The following ZNF654 variants were observed in gnomAD, a reference collection of about 807,000 sequenced individuals.
The protein encoded by ZNF654 is melanoma-associated antigen.
A neutral mutation model predicts 95.3 loss-of-function variants in ZNF654; 19 were observed. That is an observed-to-expected ratio of 0.20 (90% CI 0.14 to 0.29). The LOEUF is 0.29. ZNF654 is among the 10% of genes least tolerant of loss of function. The pLI, the probability that ZNF654 is intolerant of heterozygous loss-of-function variation, is 1.00. For synonymous variants in ZNF654, 413 were observed against 457.9 expected (o/e 0.90, Z 1.25); for missense variants, 1,046 against 1,341.0 (o/e 0.78, Z 3.44).
intron 2 of ZNF654, among the ~76,000 whole-genome samples, chr3:88,087,075 C>G (rs1051785249): frequency 9.2e-5 from 14 of 151,376 alleles, no homozygotes; most frequent in African/African-American, 3.4e-4. Flanking sequence ...AGCCACCGTG[C>G]CCAGCCCATT....
intron 2 of ZNF654, among the ~76,000 whole-genome samples, chr3:88,097,869 A>G (rs1704159747): frequency 6.6e-6 from 1 of 152,224 alleles, no homozygotes. Context: ...AAATGCCCAC[A>G]AGAGAAAGCA....
At chr3:88,126,390 G>T in intron 4 of ZNF654, 121 bp downstream of exon 4, 12 of 1,075,238 alleles carry the variant, frequency 1.1e-5, no homozygotes, top group Non-Finnish European at 1.4e-5. Flanking sequence ...TGGGAGTGAT[G>T]TATTTTCACA....
intron 2 of ZNF654, among the ~76,000 whole-genome samples, chr3:88,092,170 G>T (rs1158047487): frequency 1.3e-5 from 2 of 151,990 alleles, no homozygotes; most frequent in Non-Finnish European, 2.9e-5. Context: ...CAACATGTTG[G>T]TCCTACTAAA....
At chr3:88,096,423 G>A (rs140335159) in intron 2 of ZNF654, among the ~76,000 whole-genome samples, 204 of 152,224 alleles carry the variant, frequency 1.3e-3, no homozygotes, top group Non-Finnish European at 1.9e-3. Flanking sequence ...TTGAAGCAGA[G>A]GGGTAAGGGG....
At position 88,130,209 on chromosome 3, in the gene ZNF654, C is replaced by T. The variant is rs138886867; in HGVS notation, c.893+383C>T. Among the ~76,000 whole-genome samples the T allele has an allele frequency of 2.4e-4, 37 of 152,178 alleles. 1 individual carries two copies. In the East Asian group the frequency reaches 7.1e-3, roughly 29 times the overall value. ...AGGTAGCTAAAATAAAAACACTCTT[C>T]AGGGGCTATTAAGAATTTCTGTTTC... is the stretch of plus-strand genomic sequence containing the variant. On this transcript the variant is annotated intron_variant, in intron 6 of 8. Coordinates refer to ENST00000636215, the MANE Select transcript of ZNF654 (RefSeq NM_001350134.2).
intron 2 of ZNF654, among the ~76,000 whole-genome samples, chr3:88,088,761 T>TATGGATGGATGG (rs931246026): frequency 7.9e-6 from 1 of 126,428 alleles, no homozygotes; most frequent in African/African-American, 3.0e-5. Flanking sequence ...TGTATGTATG[T>TATGGATGGATGG]ATGGATGGAT....
chr3:88,091,625 T>C (rs1219605007), intron 2 of ZNF654, among the ~76,000 whole-genome samples: 3 of 152,302 alleles, frequency 2.0e-5, no homozygotes, highest in Non-Finnish European at 2.9e-5. Context: ...TCATCTTGAA[T>C]TGTAGCTTCC....
rs1707242170 is a variant in ZNF654 at position 88,143,921 on chromosome 3, T to A, written c.*2269T>A. Reference sequence around the variant, plus strand: ...ATAAACCTACATCATTTTGCTTTTATAGGGTGCATAAACTTCCAACAGTTC... The same window carrying A: ...ATAAACCTACATCATTTTGCTTTTAAAGGGTGCATAAACTTCCAACAGTTC... On this transcript the variant is annotated 3_prime_UTR_variant, in exon 9 of 9. Transcript: ENST00000636215. 6.6e-6 allele frequency: 1 copy of A among 152,066 alleles called. No individual in the cohort carries two copies. The highest frequency in any genetic ancestry group is 1.5e-5 in the Non-Finnish European group (1 of 67,798). 9.4% of individuals were successfully genotyped at this position (152,066 alleles called of 1,614,324 possible).
chr3:88,088,659 T>C (rs1559701451), intron 2 of ZNF654, among the ~76,000 whole-genome samples: 2 of 152,116 alleles, frequency 1.3e-5, no homozygotes. Flanking sequence ...GATTTGTATA[T>C]ATTTGAAATT....
intron 4 of ZNF654, 24 bp from the exon 5 acceptor site, chr3:88,128,783 TAG>T (rs1389998700): frequency 2.1e-6 from 3 of 1,458,780 alleles, no homozygotes; most frequent in African/African-American, 1.4e-5. Flanking sequence ...TTGAGAGTAA[TAG>T]AGTCTGTTTT....
chr3:88,113,032 T>G (rs1463214909), intron 2 of ZNF654, 83 bp from the exon 3 acceptor site: 1 of 860,936 alleles, frequency 1.2e-6, no homozygotes, highest in Non-Finnish European at 1.7e-6. Flanking sequence ...ATATTGATAT[T>G]AGATAGCTGA....
chr3:88,119,068 A>G (rs1206775856), intron 3 of ZNF654, among the ~76,000 whole-genome samples: 2 of 149,848 alleles, frequency 1.3e-5, no homozygotes, highest in Non-Finnish European at 1.5e-5. Flanking sequence ...TCATGCTGCT[A>G]TAAAGACACA....
intron 2 of ZNF654, among the ~76,000 whole-genome samples, chr3:88,096,544 G>T (rs1704070937): frequency 6.6e-6 from 1 of 152,074 alleles, no homozygotes; most frequent in African/African-American, 2.4e-5. Context: ...CATTTCCACT[G>T]ATTATTGAAT....
chr3:88,097,022 A>G (rs1484730001), intron 2 of ZNF654, among the ~76,000 whole-genome samples: 1 of 152,142 alleles, frequency 6.6e-6, no homozygotes, highest in East Asian at 1.9e-4. Flanking sequence ...CATTGGCTGT[A>G]GAGTATTTCA....
At chr3:88,137,595 A>G (rs1706876043) in intron 7 of ZNF654, among the ~76,000 whole-genome samples, 2 of 152,236 alleles carry the variant, frequency 1.3e-5, no homozygotes, top group Admixed American at 6.5e-5. Context: ...GTTTTTAAAG[A>G]TAAGTTATTC....
chr3:88,128,207 A>T (rs1192954042), intron 4 of ZNF654, among the ~76,000 whole-genome samples: 1 of 152,134 alleles, frequency 6.6e-6, no homozygotes, highest in Non-Finnish European at 1.5e-5. Context: ...TATATATTTT[A>T]AAATTGTGTA....
At chr3:88,101,287 C>T (rs1704408084) in intron 2 of ZNF654, among the ~76,000 whole-genome samples, 1 of 152,152 alleles carries the variant, frequency 6.6e-6, no homozygotes, top group Non-Finnish European at 1.5e-5. Context: ...GTCCCCAGTG[C>T]CTACCCAGCT....
At chr3:88,120,547 A>C (rs1705704585) in intron 3 of ZNF654, among the ~76,000 whole-genome samples, 2 of 152,264 alleles carry the variant, frequency 1.3e-5, no homozygotes, top group South Asian at 4.1e-4. Flanking sequence ...AAGAAAATTG[A>C]CATGATAATC....
intron 2 of ZNF654, among the ~76,000 whole-genome samples, chr3:88,109,137 G>GC (rs1301368764): frequency 1.5e-5 from 2 of 133,534 alleles, no homozygotes; most frequent in East Asian, 4.6e-4. Context: ...GGATAAGTGG[G>GC]CACTAGTGTG....
Sources: allele counts gnomAD v4.1 joint callset (sites outside exome capture counted in the v4.1 genomes callset), GRCh38; gene constraint gnomAD v4.1.1; transcripts MANE v1.5; gene names NCBI Gene and HGNC (gene_info 2026-07-23, HGNC 2026-07-21).